Variants in CATSPERE observed in about 807,000 individuals in gnomAD.
CATSPERE encodes the protein catsper channel auxiliary subunit epsilon, also known as cation channel sperm-associated auxiliary subunit epsilon.
In CATSPERE, 93 loss-of-function variants were observed where a neutral mutation model predicts 114.1. That is an observed-to-expected ratio of 0.81 (90% CI 0.69 to 0.97). The LOEUF (loss-of-function observed/expected upper bound fraction) is 0.97, where lower values mean the gene tolerates loss of function less well. Among genes scored for constraint, CATSPERE ranks in the 50% least tolerant of loss-of-function variants. CATSPERE has a pLI of 0.00. For missense variants in CATSPERE, 1,058 were observed against 1,131.6 expected (o/e 0.93, Z 0.93); for synonymous variants, 341 against 384.1 (o/e 0.89, Z 1.31).
At chr1:244,632,508 G>A (rs1674094463) in intron 20 of CATSPERE, among the ~76,000 whole-genome samples, 1 of 151,806 alleles carries the variant, frequency 6.6e-6, no homozygotes, top group Non-Finnish European at 1.5e-5. Context: ...TGGGAGTAAG[G>A]ATTAGAAGCA....
At chr1:244,622,401 CTTTTTT>C (rs142928066) in intron 20 of CATSPERE, among the ~76,000 whole-genome samples, 2 of 90,584 alleles carry the variant, frequency 2.2e-5, no homozygotes, top group Non-Finnish European at 2.2e-5. Flanking sequence ...CTTTCCTTTT[CTTTTTT>C]TTTTTTTTTT....
At chr1:244,590,482 A>G (rs1381771383) in intron 14 of CATSPERE, among the ~76,000 whole-genome samples, 3 of 152,212 alleles carry the variant, frequency 2.0e-5, no homozygotes, top group South Asian at 2.1e-4. Context: ...ATAGAATTCA[A>G]TGGAATTAAG....
At chr1:244,547,023 A>T (rs1023592789) in intron 8 of CATSPERE, among the ~76,000 whole-genome samples, 1 of 152,216 alleles carries the variant, frequency 6.6e-6, no homozygotes, top group African/African-American at 2.4e-5. Context: ...CTACCCCAAG[A>T]CTTATTGTAA....
At position 244,617,602 on chromosome 1, in the gene CATSPERE, G is replaced by C. The variant is rs1165502166; in HGVS notation, c.2564G>C (p.Ser855Thr). Residue 855 changes from serine (S) to threonine (T), a missense_variant, in exon 20 of 22, where the codon AGT (serine) becomes ACT (threonine). Physicochemically the swap from Ser to Thr is moderately conservative, Grantham distance 58 (BLOSUM62 1). Coordinates refer to ENST00000366534, the MANE Select transcript of CATSPERE (RefSeq NM_001130957.2). ...DLNQPYEIIN[S>T]SNGNHIFWPM... ...AATCAACCATACGAGATTATCAACA[G>C]TTCTAATGGTAACCATATATTTTGG... is the stretch of plus-strand genomic sequence containing the variant. 1.3e-6 allele frequency: 2 copies of C among 1,543,712 alleles called. No individual in the cohort carries two copies. The highest frequency in any genetic ancestry group is 1.7e-6 in the Non-Finnish European group (2 of 1,144,684).
chr1:244,451,585 C>A (rs754028145), upstream of CATSPERE: 3 of 1,546,442 alleles, frequency 1.9e-6, no homozygotes, highest in East Asian at 2.4e-5. The surrounding 1 kb of genome is among the most constrained non-coding windows in gnomAD (Gnocchi z 6.6). Context: ...AGGAGCCAGG[C>A]AGCCCGAGCT....
intron 6 of CATSPERE, among the ~76,000 whole-genome samples, chr1:244,496,674 T>C (rs1402401541): frequency 6.6e-6 from 1 of 152,208 alleles, no homozygotes; most frequent in Non-Finnish European, 1.5e-5. Context: ...TTCCTGAATT[T>C]ATAAATGCAA....
At chr1:244,537,833 T>C (rs1271210004) in intron 8 of CATSPERE, among the ~76,000 whole-genome samples, 1 of 152,216 alleles carries the variant, frequency 6.6e-6, no homozygotes, top group East Asian at 1.9e-4. Context: ...TCTCCTGTTG[T>C]TGGATAAAGT....
chr1:244,633,486 T>C lies in CATSPERE; in HGVS notation c.2649-2003T>C, dbSNP rs76028600. 6.6e-6 allele frequency among the ~76,000 whole-genome samples: 1 copy of C among 152,162 alleles called. No homozygotes were observed. Among genetic ancestry groups the C allele is most frequent in the African/African-American group, 2.4e-5 (1 of 41,420 alleles). ...ATATGGCCCACTTACATCTAATCTA[T>C]TCCAAATCACTTTACAAACTGCTAT... On this transcript the variant is annotated intron_variant, in intron 20 of 21. Transcript: ENST00000366534. The surrounding 1 kb of genome is among the most constrained non-coding windows in gnomAD (Gnocchi z 4.1).
At chr1:244,578,734 C>T (rs906519432) in intron 11 of CATSPERE, among the ~76,000 whole-genome samples, 1 of 149,070 alleles carries the variant, frequency 6.7e-6, no homozygotes, top group African/African-American at 2.5e-5. Flanking sequence ...TATATACACA[C>T]ACATATATAT....
intron 13 of CATSPERE, among the ~76,000 whole-genome samples, chr1:244,588,063 G>A (rs1667237859): frequency 6.6e-6 from 1 of 151,994 alleles, no homozygotes; most frequent in South Asian, 2.1e-4. Flanking sequence ...GCGTGGTGGT[G>A]CATGCCTATA....
intron 20 of CATSPERE, among the ~76,000 whole-genome samples, chr1:244,632,017 G>C (rs538926333): frequency 2.0e-5 from 3 of 152,280 alleles, no homozygotes; most frequent in African/African-American, 7.2e-5. Flanking sequence ...GCAGTGAGCT[G>C]TGATGGTGCC....
chr1:244,604,559 A>G (rs189244541), intron 17 of CATSPERE, among the ~76,000 whole-genome samples: 23 of 152,388 alleles, frequency 1.5e-4, no homozygotes. Context: ...CAGTGAGTGC[A>G]GCAAGAAGCT....
chr1:244,453,793 T>C (rs1306998146), upstream of CATSPERE, among the ~76,000 whole-genome samples: 1 of 152,128 alleles, frequency 6.6e-6, no homozygotes, highest in Non-Finnish European at 1.5e-5. Context: ...GTATCCTAGG[T>C]GCTGCCAACG....
chr1:244,531,603 T>G (rs1679612326), intron 8 of CATSPERE, among the ~76,000 whole-genome samples: 1 of 152,210 alleles, frequency 6.6e-6, no homozygotes, highest in African/African-American at 2.4e-5. Flanking sequence ...GCTTTTATAC[T>G]TCATTCTGTT....
rs960028586 is a variant in CATSPERE, at chr1:244,508,831, T to TAAAAA, written c.430-9745_430-9741dup. Among the ~76,000 whole-genome samples the TAAAAA allele has an allele frequency of 8.8e-5, 10 of 114,246 alleles. 1 individual carries two copies. The South Asian group carries it at 2.9e-3, about 33-fold the overall frequency. 74.9% of individuals were successfully genotyped at this position (114,246 alleles called of 152,430 possible). On this transcript the variant is annotated intron_variant, in intron 7 of 21. Coordinates refer to ENST00000366534, the MANE Select transcript of CATSPERE (RefSeq NM_001130957.2). ...GGGCAACATAGTGAGACCCTATCTC[T>TAAAAA]AAAAAAAAAAAAAAAAAAAATTAGC... is the stretch of plus-strand genomic sequence containing the variant.
chr1:244,637,405 C>T (rs771645128), intron 21 of CATSPERE, among the ~76,000 whole-genome samples: 1 of 152,164 alleles, frequency 6.6e-6, no homozygotes, highest in South Asian at 2.1e-4. Flanking sequence ...GGTGACCTCC[C>T]TCTACTGCAC....
intron 20 of CATSPERE, among the ~76,000 whole-genome samples, chr1:244,632,405 A>AAT (rs1190856301): frequency 6.6e-6 from 1 of 151,452 alleles, no homozygotes; most frequent in East Asian, 1.9e-4. Flanking sequence ...AAAAAAAAAA[A>AAT]AAAATGAAAA....
chr1:244,455,539 AG>A (rs1460505142), intron 1 of CATSPERE, among the ~76,000 whole-genome samples: 1 of 152,044 alleles, frequency 6.6e-6, no homozygotes, highest in Non-Finnish European at 1.5e-5. Context: ...TATGGTTAAA[AG>A]TCAGCTTAAT....
Position 244,477,902 on chromosome 1 carries a change from C to A in CATSPERE, c.189-4C>A. 1 of 1,599,598 alleles carries A rather than the reference C, an allele frequency of 6.3e-7. No homozygotes were observed. Among genetic ancestry groups the A allele is most frequent in the Non-Finnish European group, 8.6e-7 (1 of 1,168,536 alleles). On this transcript the variant is annotated splice_polypyrimidine_tract_variant and splice_region_variant and intron_variant, in intron 3 of 21. Coordinates refer to ENST00000366534, the MANE Select transcript of CATSPERE (RefSeq NM_001130957.2). ...TTATTCTTTCTCATCTTTTTAAACA[C>A]TAGCTCACCCACGACAGAATTGCGT...
Sources: allele counts gnomAD v4.1 joint callset (sites outside exome capture counted in the v4.1 genomes callset), GRCh38; gene constraint gnomAD v4.1.1; non-coding constraint Gnocchi (gnomAD v3.1); transcripts MANE v1.5; gene names NCBI Gene and HGNC (gene_info 2026-07-23, HGNC 2026-07-21).